Variants in PLEKHG1 observed in about 807,000 individuals in gnomAD.
The protein encoded by PLEKHG1 is pleckstrin homology and RhoGEF domain containing G1.
Under a neutral mutation model 100.8 loss-of-function variants are expected in PLEKHG1, and 44 were observed. The ratio of observed to expected loss-of-function variants is 0.44; its 90% CI spans 0.34 to 0.56. The LOEUF is 0.56. Among genes scored for constraint, PLEKHG1 ranks in the 20% least tolerant of loss-of-function variants. The probability of loss-of-function intolerance (pLI) is 0.01; values close to 1 mark genes in which losing one functional copy is unlikely to be tolerated. For synonymous variants in PLEKHG1, 640 were observed against 662.5 expected, an observed-to-expected ratio of 0.97 and a Z score of 0.52; for missense variants, 1,545 against 1,720.9, an observed-to-expected ratio of 0.90 and a Z score of 1.81.
rs1310401018 is a variant in PLEKHG1, at chr6:150,734,223, T to C, written c.411+131T>C. On this transcript the variant is annotated intron_variant, in intron 2 of 15. Transcript: ENST00000358517. ...GGGATGTGAATGTTTAAAGAGAGAG[T>C]AATAAGAGAAACCCTAAGGCCGTAA... 15 of 902,366 alleles carry C rather than the reference T, an allele frequency of 1.7e-5. No individual in the cohort carries two copies. In the Admixed American group the frequency reaches 3.5e-4, roughly 21 times the overall value. 55.9% of individuals were successfully genotyped at this position (902,366 alleles called of 1,614,324 possible).
chr6:150,743,920 G>A (rs1476214094), intron 2 of PLEKHG1, among the ~76,000 whole-genome samples: 1 of 152,108 alleles, frequency 6.6e-6, no homozygotes, highest in Non-Finnish European at 1.5e-5. Flanking sequence ...TGAGTGGGAG[G>A]GAATCAATAA....
intron 1 of PLEKHG1, among the ~76,000 whole-genome samples, chr6:150,604,506 G>T (rs1483260359): frequency 6.6e-6 from 1 of 152,222 alleles, no homozygotes; most frequent in Non-Finnish European, 1.5e-5. Flanking sequence ...AAACAGGCTG[G>T]ATGTAGCCTG....
Position 150,831,713 on chromosome 6 carries a change from G to A in PLEKHG1, c.2602G>A (p.Val868Met). 3 of 1,613,218 alleles carry A rather than the reference G, an allele frequency of 1.9e-6. No individual in the cohort carries two copies. The highest frequency in any genetic ancestry group is 1.7e-6 in the Non-Finnish European group (2 of 1,180,036). Residue 868 changes from valine (V) to methionine (M), a missense_variant, in exon 15 of 16, where the codon GTG (valine) becomes ATG (methionine). Physicochemically the swap from Val to Met is conservative, Grantham distance 21. Coordinates refer to ENST00000358517, the Ensembl canonical transcript of PLEKHG1. The surrounding 1 kb of genome is among the most constrained non-coding windows in gnomAD (Gnocchi z 4.1). The stretch of plus-strand genomic sequence containing the variant: ...AGCGTTTCCTGTGAGCAAGGATGAT[G>A]TGCCAGACAGGCTGCACGCAGAGAG...
intron 5 of PLEKHG1, among the ~76,000 whole-genome samples, chr6:150,800,164 A>G (rs1009871620): frequency 6.6e-6 from 1 of 152,108 alleles, no homozygotes; most frequent in Non-Finnish European, 1.5e-5. Context: ...CAGGGAAGTT[A>G]CCCAGGGGAA....
intron 2 of PLEKHG1, among the ~76,000 whole-genome samples, chr6:150,646,962 C>G (rs886976853): frequency 6.6e-6 from 1 of 152,068 alleles, no homozygotes; most frequent in Admixed American, 6.6e-5. Flanking sequence ...TCTGGTAGCC[C>G]CTTATATGGA....
intron 15 of PLEKHG1, among the ~76,000 whole-genome samples, chr6:150,837,729 G>C (rs1777304927): frequency 6.6e-6 from 1 of 152,204 alleles, no homozygotes; most frequent in African/African-American, 2.4e-5. Flanking sequence ...GATTTTGATT[G>C]GGTTTCATAG....
chr6:150,816,711 A>G (rs1562546714), intron 10 of PLEKHG1, among the ~76,000 whole-genome samples: 1 of 152,174 alleles, frequency 6.6e-6, no homozygotes, highest in African/African-American at 2.4e-5. Flanking sequence ...CACCAGATGC[A>G]GCTTAATTGC....
intron 4 of PLEKHG1, 28 bp from the exon 6 acceptor site, chr6:150,795,828 T>C (rs775323291): frequency 9.0e-6 from 13 of 1,447,672 alleles, no homozygotes; most frequent in Non-Finnish European, 1.2e-5. Context: ...CTTTGTTGCC[T>C]ATAAAAATTT....
intron 3 of PLEKHG1, among the ~76,000 whole-genome samples, chr6:150,662,256 G>A (rs1409268771): frequency 1.3e-5 from 2 of 152,076 alleles, no homozygotes; most frequent in Admixed American, 6.6e-5. Flanking sequence ...GATAACCTTT[G>A]GTCAGCTCCT....
intron 7 of PLEKHG1, among the ~76,000 whole-genome samples, chr6:150,806,385 A>G (rs1787103818): frequency 1.3e-5 from 2 of 151,946 alleles, no homozygotes; most frequent in South Asian, 4.2e-4. Flanking sequence ...AATCAAGGTT[A>G]GAAAATTTTT....
intron 14 of PLEKHG1, chr6:150,828,025 A>G: frequency 2.5e-6 from 4 of 1,613,092 alleles, no homozygotes; most frequent in Non-Finnish European, 3.4e-6. Flanking sequence ...CACCTTTACA[A>G]ACAAGGAATT....
chr6:150,805,654 G>A (rs7753177), intron 7 of PLEKHG1, among the ~76,000 whole-genome samples: 55,488 of 151,676 alleles, frequency 0.37, 11,124 homozygotes, highest in East Asian at 0.71. Context: ...CAGCCTCCTT[G>A]GTAGTTGGGA....
chr6:150,761,961 C>T (rs1174633881), intron 2 of PLEKHG1, among the ~76,000 whole-genome samples: 2 of 152,138 alleles, frequency 1.3e-5, no homozygotes, highest in Non-Finnish European at 2.9e-5. Context: ...GGGGACTGAA[C>T]AGGCGCATGT....
intron 2 of PLEKHG1, among the ~76,000 whole-genome samples, chr6:150,759,391 C>T (rs931036852): frequency 2.0e-5 from 3 of 152,124 alleles, no homozygotes; most frequent in African/African-American, 7.2e-5. Flanking sequence ...CTACCTGACA[C>T]CTGATAAAAA....
intron 15 of PLEKHG1, among the ~76,000 whole-genome samples, chr6:150,838,708 GGGAGAAT>G (rs1473920226): frequency 3.3e-5 from 5 of 152,168 alleles, no homozygotes; most frequent in African/African-American, 1.2e-4. Flanking sequence ...CAGGGCAAAG[GGGAGAAT>G]GGACTTGTGG....
At chr6:150,764,872 A>T (rs1372300655) in intron 2 of PLEKHG1, among the ~76,000 whole-genome samples, 1 of 151,766 alleles carries the variant, frequency 6.6e-6, no homozygotes, top group East Asian at 1.9e-4. Flanking sequence ...CTGCCAAAAC[A>T]CTATTCTATT....
At chr6:150,772,783 G>GT (rs1398621588) in intron 3 of PLEKHG1, among the ~76,000 whole-genome samples, 1 of 152,100 alleles carries the variant, frequency 6.6e-6, no homozygotes, top group Non-Finnish European at 1.5e-5. Flanking sequence ...TTTGCCAATT[G>GT]CGTTAAGATT....
intron 1 of PLEKHG1, among the ~76,000 whole-genome samples, chr6:150,610,010 G>A (rs1776755209): frequency 6.6e-6 from 1 of 152,160 alleles, no homozygotes; most frequent in Non-Finnish European, 1.5e-5. Flanking sequence ...CGCGATGCTG[G>A]GTGAACTCCC....
At chr6:150,801,420 C>T (rs1340851777) in intron 6 of PLEKHG1, among the ~76,000 whole-genome samples, 1 of 143,672 alleles carries the variant, frequency 7.0e-6, no homozygotes. Context: ...CTCTTAAATT[C>T]TTTTTTCTTT....
Sources: gnomAD v4.1 joint callset for allele counts (sites outside exome capture counted in the v4.1 genomes callset) on GRCh38, gnomAD v4.1.1 for gene constraint, Gnocchi (gnomAD v3.1) non-coding constraint, MANE v1.5 for transcripts, NCBI Gene and HGNC (gene_info 2026-07-23, HGNC 2026-07-21) for gene names.